Variants in FCN1 observed in about 807,000 individuals in gnomAD.
FCN1 encodes the protein ficolin 1, also known as ficolin-1.
In FCN1, 42 loss-of-function variants were observed where a neutral mutation model predicts 35.6. That is an observed-to-expected ratio of 1.18 (90% CI 0.92 to 1.53). FCN1 has a LOEUF of 1.53. Ranked by LOEUF, FCN1 falls within the 40% of genes most tolerant of loss-of-function variation. FCN1 has a pLI of 0.00. For missense variants in FCN1, 439 were observed against 428.4 expected (o/e 1.02, Z -0.22); for synonymous variants, 179 against 169.8 (o/e 1.05, Z -0.42).
rs753311616 is a variant in FCN1, at chr9:134,905,396, C to T, written c.*4402G>A. On this transcript the variant is annotated 3_prime_UTR_variant, in exon 9 of 9. Coordinates refer to ENST00000371806, the MANE Select transcript of FCN1 (RefSeq NM_002003.5). ...TTTTCACCCATTCAGCTTTATCCCT[C>T]AAATCACAAAAGCTCTCTCAGTTCT... Among the ~76,000 whole-genome samples, 48 of 152,234 alleles carry T rather than the reference C, an allele frequency of 3.2e-4. No homozygotes were observed. The highest frequency in any genetic ancestry group is 9.2e-4 in the Admixed American group (14 of 15,290).
Position 134,909,910 on chromosome 9 carries a change from C to A in FCN1, c.869G>T (p.Gly290Val). 1.2e-6 allele frequency: 2 copies of A among 1,614,106 alleles called. No homozygotes were observed. Among genetic ancestry groups the A allele is most frequent in the Non-Finnish European group, 1.7e-6 (2 of 1,180,018 alleles). ...YADCHASNLNGLYLMGPHESY... is the reference protein window; with the variant it reads ...YADCHASNLNVLYLMGPHESY... ...CTCATGGGGTCCCATGAGGTAGAGA[C>A]CATTGAGGTTTGAAGCATGACAGTC... Residue 290 changes from glycine to valine, a missense_variant, in exon 9 of 9, where the codon GGT (glycine) becomes GTT (valine). Coordinates refer to ENST00000371806, the MANE Select transcript of FCN1 (RefSeq NM_002003.5).
chr9:134,916,834 C>G (rs563486340), intron 1 of FCN1, among the ~76,000 whole-genome samples: 9 of 152,312 alleles, frequency 5.9e-5, no homozygotes, highest in Non-Finnish European at 1.2e-4. Flanking sequence ...TAATGACAAT[C>G]AATATTTCTA....
chr9:134,909,441 G>A lies in FCN1; in HGVS notation c.*357C>T, dbSNP rs1306655522. 1 of 1,292,118 alleles carries A rather than the reference G, an allele frequency of 7.7e-7. No individual in the cohort carries two copies. Among genetic ancestry groups the A allele is most frequent in the Admixed American group, 2.3e-5 (1 of 43,742 alleles). 80.0% of individuals were successfully genotyped at this position (1,292,118 alleles called of 1,614,324 possible). A position where few individuals can be genotyped will look rare whatever the true frequency, so the allele number is the denominator to read the frequency against. The stretch of plus-strand genomic sequence containing the variant: ...CTCGCAAAAGTCACTCAACCTCCCT[G>A]AACATCGGTAGTGCCATCTGCTAAA... On this transcript the variant is annotated 3_prime_UTR_variant, in exon 9 of 9. Transcript: ENST00000371806.
At chr9:134,917,727 G>A (rs1444209974) in intron 1 of FCN1, 42 bp downstream of exon 1, 2 of 1,359,626 alleles carry the variant, frequency 1.5e-6, no homozygotes, top group South Asian at 1.2e-5. Flanking sequence ...GAGTGGGGTT[G>A]TTACCAGCTT....
At chr9:134,917,707 G>A (rs937845059) in intron 1 of FCN1, 62 bp downstream of exon 1, 40 of 1,049,536 alleles carry the variant, frequency 3.8e-5, no homozygotes, top group South Asian at 2.8e-4. Context: ...TGGGACACCC[G>A]AGTGTCAGTG....
intron 5 of FCN1, 74 bp from the exon 6 acceptor site, chr9:134,913,217 A>G (rs1227306255): frequency 2.6e-6 from 4 of 1,558,280 alleles, no homozygotes; most frequent in Non-Finnish European, 2.6e-6. Context: ...AGGGAGGCCC[A>G]GGAGGGAGGA....
At chr9:134,914,243 C>T (rs1377967165) in intron 4 of FCN1, 142 bp downstream of exon 4, 1 of 781,166 alleles carries the variant, frequency 1.3e-6, no homozygotes, top group Admixed American at 1.8e-5. Context: ...ACAACAAAGC[C>T]CGCTGGACTC....
rs146517825 is a variant in FCN1, at chr9:134,914,396, C to A, written c.296G>T (p.Arg99Leu). ...PKGDRGEKGM[R>L]GEKGDAGQSQ... Reference sequence around the variant, plus strand: ...CACGGGTGGCTCACCTTTCTCTCCACGCATCCCCTTCTCTCCTCGGTCTCC... The same window carrying A: ...CACGGGTGGCTCACCTTTCTCTCCAAGCATCCCCTTCTCTCCTCGGTCTCC... The change falls in exon 4 of 9, where the codon CGT (arginine) becomes CTT (leucine). Residue 99 changes from arginine to leucine, a missense_variant. Coordinates refer to ENST00000371806, the MANE Select transcript of FCN1 (RefSeq NM_002003.5). The A allele has an allele frequency of 6.2e-7, 1 of 1,614,116 alleles. No homozygotes were observed. The highest frequency in any genetic ancestry group is 8.5e-7 in the Non-Finnish European group (1 of 1,179,970).
At position 134,915,106 on chromosome 9, in the gene FCN1, A is replaced by G. The variant is rs368685281; in HGVS notation, c.218-297T>C. ...CACACTCTGTTGACCATAAGCCTGGACCCAAGTCACCCACACAGAGCTCTA... is the reference window on the plus strand; with the variant it reads ...CACACTCTGTTGACCATAAGCCTGGGCCCAAGTCACCCACACAGAGCTCTA... On this transcript the variant is annotated intron_variant, in intron 2 of 8. Transcript: ENST00000371806. 5.6e-4 allele frequency among the ~76,000 whole-genome samples: 85 copies of G among 152,254 alleles called. 1 individual carries two copies. The South Asian group carries it at 0.016, about 29-fold the overall frequency.
chr9:134,905,109 T>C lies in FCN1; in HGVS notation c.*4689A>G, dbSNP rs2118924802. On this transcript the variant is annotated 3_prime_UTR_variant, in exon 9 of 9. Transcript: ENST00000371806. ...TATACCGTAAAAAATCAAGGCTATATATTGCAATCGCAAGCATAAACACCA... is the reference window on the plus strand; with the variant it reads ...TATACCGTAAAAAATCAAGGCTATACATTGCAATCGCAAGCATAAACACCA... Among the ~76,000 whole-genome samples, 1 of 152,242 alleles carries C rather than the reference T, an allele frequency of 6.6e-6. No individual in the cohort carries two copies. Among genetic ancestry groups the C allele is most frequent in the South Asian group, 2.1e-4 (1 of 4,822 alleles).
rs903882781 is a variant in FCN1 at position 134,910,367 on chromosome 9, C to T, written c.734-322G>A. Reference sequence around the variant, plus strand: ...CTCCTCCAGCCTGCGCCGCTCCTTCCGGTCTCTCCCCACGTCCCCTGGTGG... The same window carrying T: ...CTCCTCCAGCCTGCGCCGCTCCTTCTGGTCTCTCCCCACGTCCCCTGGTGG... On this transcript the variant is annotated intron_variant, in intron 8 of 8. Transcript: ENST00000371806. Among the ~76,000 whole-genome samples, 9 of 152,156 alleles carry T rather than the reference C, an allele frequency of 5.9e-5. No homozygotes were observed. The East Asian group carries it at 1.2e-3, about 20-fold the overall frequency.
At position 134,909,401 on chromosome 9, in the gene FCN1, T is replaced by A; in HGVS notation, c.*397A>T. The stretch of plus-strand genomic sequence containing the variant: ...GTGAGGATCGCCCTGTGTCAATTAC[T>A]GGAGGTGGAAAATCCTCGCAAAAGT... On this transcript the variant is annotated 3_prime_UTR_variant, in exon 9 of 9. Transcript: ENST00000371806. 1 of 1,290,666 alleles carries A rather than the reference T, an allele frequency of 7.7e-7. No homozygotes were observed. Among genetic ancestry groups the A allele is most frequent in the Non-Finnish European group, 1.0e-6 (1 of 989,312 alleles). The allele number at this position is 1,290,666 out of a possible 1,614,324, so 80.0% of individuals were successfully genotyped here.
chr9:134,905,653 T>C lies in FCN1; in HGVS notation c.*4145A>G, dbSNP rs1370571176. On this transcript the variant is annotated 3_prime_UTR_variant, in exon 9 of 9. Transcript: ENST00000371806. ...CATCCCCCACCATGAACGGCTAATT[T>C]TTTTGTATTTTTAGTAGAGACGGGG... Among the ~76,000 whole-genome samples the C allele has an allele frequency of 6.6e-6, 1 of 151,618 alleles. No individual in the cohort carries two copies. Among genetic ancestry groups the C allele is most frequent in the Admixed American group, 6.5e-5 (1 of 15,276 alleles).
At position 134,903,683 on chromosome 9, in the gene FCN1, A is replaced by T. The variant is rs1830910955; in HGVS notation, c.*6115T>A. Among the ~76,000 whole-genome samples, 1 of 152,174 alleles carries T rather than the reference A, an allele frequency of 6.6e-6. No homozygotes were observed. Among genetic ancestry groups the T allele is most frequent in the Non-Finnish European group, 1.5e-5 (1 of 68,020 alleles). ...CAAAACCCTCCAAGTGTGCCAAAAA[A>T]CTAAGATTAAAAAGAAACAAAAAAC... On this transcript the variant is annotated 3_prime_UTR_variant, in exon 9 of 9. Transcript: ENST00000371806.
chr9:134,909,392 G>A lies in FCN1; in HGVS notation c.*406C>T. The A allele has an allele frequency of 1.6e-6, 2 of 1,290,160 alleles. No homozygotes were observed. Among genetic ancestry groups the A allele is most frequent in the Non-Finnish European group, 2.0e-6 (2 of 988,984 alleles). The allele number at this position is 1,290,160 out of a possible 1,614,324, so 79.9% of individuals were successfully genotyped here. ...GGGGTGGAGGTGAGGATCGCCCTGT[G>A]TCAATTACTGGAGGTGGAAAATCCT... On this transcript the variant is annotated 3_prime_UTR_variant, in exon 9 of 9. Coordinates refer to ENST00000371806, the MANE Select transcript of FCN1 (RefSeq NM_002003.5).
intron 5 of FCN1, 149 bp from the exon 6 acceptor site, chr9:134,913,292 CA>C: frequency 8.9e-7 from 1 of 1,121,506 alleles, no homozygotes; most frequent in Non-Finnish European, 1.3e-6. Context: ...ACACGGCCCC[CA>C]GGGCCACGCA....
In FCN1 at chr9:134,908,727, G is replaced by A; in HGVS notation, c.*1071C>T. The A allele has an allele frequency of 6.3e-6, 1 of 159,792 alleles. No homozygotes were observed. Among genetic ancestry groups the A allele is most frequent in the East Asian group, 1.8e-4 (1 of 5,406 alleles). The allele number at this position is 159,792 out of a possible 1,614,324, so 9.9% of individuals were successfully genotyped here. A position where few individuals can be genotyped will look rare whatever the true frequency, so the allele number is the denominator to read the frequency against. On this transcript the variant is annotated 3_prime_UTR_variant, in exon 9 of 9. Transcript: ENST00000371806. ...AGGTTCTCCCCTAGAACCCTGGAAG[G>A]AGCCACCACTGCTGAGTCCTGCCTG...
chr9:134,912,698 A>T (rs1831039590), intron 6 of FCN1, 83 bp from the exon 7 acceptor site: 2 of 1,581,432 alleles, frequency 1.3e-6, no homozygotes, highest in Admixed American at 1.7e-5. Flanking sequence ...GAGGAGCAGC[A>T]TTTGTAGTTG....
intron 4 of FCN1, 74 bp downstream of exon 4, chr9:134,914,311 G>T (rs11103574): frequency 1.5e-6 from 2 of 1,329,100 alleles, no homozygotes; most frequent in Non-Finnish European, 2.2e-6. Flanking sequence ...GTGGGCAGGC[G>T]GACTGAGGCC....
Sources: gnomAD v4.1 joint callset for allele counts (sites outside exome capture counted in the v4.1 genomes callset) on GRCh38, gnomAD v4.1.1 for gene constraint, MANE v1.5 for transcripts, NCBI Gene and HGNC (gene_info 2026-07-23, HGNC 2026-07-21) for gene names.